Variants in PRKACB observed in about 807,000 individuals in gnomAD.
PRKACB encodes the protein protein kinase cAMP-activated catalytic subunit beta, also known as cAMP-dependent protein kinase catalytic subunit beta.
In PRKACB, 16 loss-of-function variants were observed where a neutral mutation model predicts 51.4. That is an observed-to-expected ratio of 0.31 (90% CI 0.21 to 0.47). The LOEUF is 0.47. Ranked by LOEUF, PRKACB falls within the 20% of genes least tolerant of loss-of-function variation. PRKACB has a pLI of 1.00. For synonymous variants in PRKACB, 147 were observed against 154.4 expected (o/e 0.95, Z 0.35); for missense variants, 309 against 464.5 (o/e 0.67, Z 3.08).
At chr1:84,093,948 A>G (rs1314542851) in intron 1 of PRKACB, among the ~76,000 whole-genome samples, 1 of 151,982 alleles carries the variant, frequency 6.6e-6, no homozygotes, top group African/African-American at 2.4e-5. Context: ...TAGAAATTTT[A>G]TGCTGACCTA....
chr1:84,097,748 T>C (rs1178602034), intron 1 of PRKACB, among the ~76,000 whole-genome samples: 1 of 151,852 alleles, frequency 6.6e-6, no homozygotes, highest in Non-Finnish European at 1.5e-5. Flanking sequence ...TGACGTCCAA[T>C]AGCAGGAGAA....
chr1:84,088,563 A>C (rs180961592), intron 1 of PRKACB, among the ~76,000 whole-genome samples: 1 of 152,172 alleles, frequency 6.6e-6, no homozygotes, highest in Non-Finnish European at 1.5e-5. Context: ...GGCTAGCTCT[A>C]CTGGTAACTT....
At chr1:84,187,588 C>G (rs570224209) in intron 5 of PRKACB, among the ~76,000 whole-genome samples, 1 of 152,168 alleles carries the variant, frequency 6.6e-6, no homozygotes, top group East Asian at 1.9e-4. Flanking sequence ...AACAGGACTT[C>G]AGGAACAGAG....
chr1:84,225,779 A>T (rs187498622), intron 9 of PRKACB, among the ~76,000 whole-genome samples: 150 of 152,214 alleles, frequency 9.9e-4, no homozygotes, highest in Non-Finnish European at 1.8e-3. Context: ...ACCACTGGGG[A>T]TCTCTCAGTT....
chr1:84,120,270 G>T (rs1163673477), intron 1 of PRKACB, among the ~76,000 whole-genome samples: 1 of 151,938 alleles, frequency 6.6e-6, no homozygotes, highest in Non-Finnish European at 1.5e-5. Context: ...TTTTCAAATG[G>T]GTAACTTATC....
intron 5 of PRKACB, among the ~76,000 whole-genome samples, chr1:84,190,789 G>A (rs1320397032): frequency 1.3e-5 from 2 of 152,072 alleles, no homozygotes; most frequent in Non-Finnish European, 2.9e-5. Context: ...TGATCTTTAT[G>A]TAATGCCCTT....
In PRKACB at chr1:84,119,953, A is replaced by C. The variant is rs1055678134; in HGVS notation, c.46+41582A>C. On this transcript the variant is annotated intron_variant, in intron 1 of 8. Coordinates refer to the PRKACB transcript ENST00000370688. ...ATACTGAAGTCTTCTCTGTTTTTAT[A>C]CTCAATATGCAAATTACAAGAAAGT... Among the ~76,000 whole-genome samples the C allele has an allele frequency of 2.0e-5, 3 of 152,030 alleles. No individual in the cohort carries two copies. In the East Asian group the frequency reaches 5.8e-4, roughly 29 times the overall value.
Position 84,164,870 on chromosome 1 carries a change from T to G in PRKACB, c.188-14307T>G, listed in dbSNP as rs151028173. Reference sequence around the variant, plus strand: ...TCTTTTTAAAACAAAAGAAAGCTCTTTTCGTTTTCTGTGTGCTGCATGCTC... The same window carrying G: ...TCTTTTTAAAACAAAAGAAAGCTCTGTTCGTTTTCTGTGTGCTGCATGCTC... On this transcript the variant is annotated intron_variant, in intron 1 of 9. Coordinates refer to ENST00000370685, the MANE Select transcript of PRKACB (RefSeq NM_182948.4). 4.3e-6 allele frequency: 6 copies of G among 1,384,552 alleles called. No homozygotes were observed. In the Admixed American group the frequency reaches 2.0e-4, roughly 47 times the overall value. 85.8% of individuals were successfully genotyped at this position (1,384,552 alleles called of 1,614,324 possible).
intron 5 of PRKACB, among the ~76,000 whole-genome samples, chr1:84,187,242 G>C (rs1475957885): frequency 6.6e-6 from 1 of 152,088 alleles, no homozygotes; most frequent in African/African-American, 2.4e-5. Flanking sequence ...GTTGTGACTA[G>C]ATGAACTGAA....
chr1:84,187,938 T>C (rs1665658129), intron 5 of PRKACB, among the ~76,000 whole-genome samples: 4 of 152,090 alleles, frequency 2.6e-5, no homozygotes, highest in African/African-American at 9.7e-5. Flanking sequence ...AGGCATTTTA[T>C]GCACTTTTTA....
At chr1:84,127,336 C>T (rs1651708547) in intron 1 of PRKACB, among the ~76,000 whole-genome samples, 2 of 152,104 alleles carry the variant, frequency 1.3e-5, no homozygotes, top group Non-Finnish European at 2.9e-5. Flanking sequence ...TTTTCCCCTG[C>T]TCCTTAAAAT....
chr1:84,203,738 C>A (rs996395955), intron 8 of PRKACB, among the ~76,000 whole-genome samples: 5 of 151,896 alleles, frequency 3.3e-5, no homozygotes, highest in African/African-American at 1.2e-4. Flanking sequence ...AGAATATGAT[C>A]AGGAAATAGA....
At chr1:84,154,688 A>G (rs1243701845) in intron 1 of PRKACB, among the ~76,000 whole-genome samples, 1 of 152,144 alleles carries the variant, frequency 6.6e-6, no homozygotes, top group African/African-American at 2.4e-5. Flanking sequence ...ATTAAATTCA[A>G]CAGCACATTA....
At chr1:84,114,581 G>T (rs1650484122) in intron 1 of PRKACB, among the ~76,000 whole-genome samples, 1 of 151,920 alleles carries the variant, frequency 6.6e-6, no homozygotes, top group Non-Finnish European at 1.5e-5. Flanking sequence ...ATATACTTTT[G>T]CTTACTTACC....
rs1205941726 is a variant in PRKACB at position 84,182,287 on chromosome 1, A to T, written c.337A>T (p.Thr113Ser). Residue 113 changes from threonine to serine, a missense_variant, in exon 3 of 10, where the codon ACT (threonine) becomes TCT (serine). Physicochemically the swap from Thr to Ser is moderately conservative, Grantham distance 58. Around this residue, in one of 3 missense-constraint regions of PRKACB, gnomAD observed 153 missense variants for 190.2 expected, o/e 0.80. Coordinates refer to ENST00000370685, the MANE Select transcript of PRKACB (RefSeq NM_182948.4). Reference protein sequence around the residue: ...GRVMLVKHKATEQYYAMKILD... With the variant: ...GRVMLVKHKASEQYYAMKILD... ...AGTCATGTTGGTAAAACACAAAGCC[A>T]CTGAACAGTATTATGCCATGAAGAT... 6.2e-7 allele frequency: 1 copy of T among 1,604,886 alleles called. No homozygotes were observed. The highest frequency in any genetic ancestry group is 8.5e-7 in the Non-Finnish European group (1 of 1,175,080).
intron 8 of PRKACB, chr1:84,204,707 G>A (rs1671056057): frequency 1.0e-6 from 1 of 969,338 alleles, no homozygotes; most frequent in Non-Finnish European, 1.3e-6. Flanking sequence ...TCATTTAATT[G>A]ACAGTAATTA....
chr1:84,119,926 GAAT>G (rs1438107324), intron 1 of PRKACB, among the ~76,000 whole-genome samples: 1 of 151,934 alleles, frequency 6.6e-6, no homozygotes, highest in Non-Finnish European at 1.5e-5. Flanking sequence ...TCCTATATTG[GAAT>G]ACTGAAGTCT....
intron 1 of PRKACB, among the ~76,000 whole-genome samples, chr1:84,135,041 TA>T (rs1228435371): frequency 6.6e-6 from 1 of 152,168 alleles, no homozygotes; most frequent in Non-Finnish European, 1.5e-5. Context: ...ACTTTAAATA[TA>T]AAGAATAGGT....
At chr1:84,155,245 G>A (rs938541170) in intron 1 of PRKACB, among the ~76,000 whole-genome samples, 2 of 151,644 alleles carry the variant, frequency 1.3e-5, no homozygotes, top group African/African-American at 4.8e-5. Context: ...AATGAACTAT[G>A]GAAAAAAGAA....
Sources: gnomAD v4.1 joint callset for allele counts (sites outside exome capture counted in the v4.1 genomes callset) on GRCh38, gnomAD v4.1.1 for gene constraint, gnomAD v4.1.1 regional missense constraint, MANE v1.5 for transcripts, NCBI Gene and HGNC (gene_info 2026-07-23, HGNC 2026-07-21) for gene names.